Variants in RANBP10 observed in about 807,000 individuals in gnomAD.
The protein encoded by RANBP10 is ran-binding protein 10.
A neutral mutation model predicts 72.8 loss-of-function variants in RANBP10; 24 were observed. The observed-to-expected ratio is 0.33, with a 90% CI of 0.24 to 0.46. The LOEUF (loss-of-function observed/expected upper bound fraction) is 0.46. RANBP10 is among the 20% of genes least tolerant of loss of function. The probability of loss-of-function intolerance (pLI) is 1.00; values close to 1 mark genes in which losing one functional copy is unlikely to be tolerated. For missense variants in RANBP10, 679 were observed against 817.5 expected (o/e 0.83, Z 2.07); for synonymous variants, 310 against 322.3 (o/e 0.96, Z 0.41).
intron 2 of RANBP10, among the ~76,000 whole-genome samples, chr16:67,783,648 T>TC (rs2054854427): frequency 1.3e-5 from 2 of 152,142 alleles, no homozygotes; most frequent in South Asian, 2.1e-4. Context: ...GACCTAGACT[T>TC]CAATTCTTCA....
chr16:67,733,113 T>C (rs1597827880), intron 6 of RANBP10, among the ~76,000 whole-genome samples: 2 of 144,622 alleles, frequency 1.4e-5, no homozygotes, highest in African/African-American at 2.6e-5. Context: ...GCCTGTAATC[T>C]CAACACTTTG....
intron 2 of RANBP10, among the ~76,000 whole-genome samples, chr16:67,802,021 G>C (rs2055243171): frequency 6.6e-6 from 1 of 151,632 alleles, no homozygotes; most frequent in African/African-American, 2.4e-5. Context: ...ACTGAGCCCA[G>C]GAAGTTGAGG....
rs1329476155 is a variant in RANBP10 at position 67,725,813 on chromosome 16, G to C, written c.*615C>G. Reference sequence around the variant, plus strand: ...CAGCTCGGCCTGTGACTCAAAAAAGGGGGAGCAAAAAATAAATCACTTGGC... The same window carrying C: ...CAGCTCGGCCTGTGACTCAAAAAAGCGGGAGCAAAAAATAAATCACTTGGC... On this transcript the variant is annotated 3_prime_UTR_variant, in exon 14 of 14. Transcript: ENST00000317506. 2 of 152,522 alleles carry C rather than the reference G, an allele frequency of 1.3e-5. No individual in the cohort carries two copies. The highest frequency in any genetic ancestry group is 2.9e-5 in the Non-Finnish European group (2 of 68,010). The allele number at this position is 152,522 out of a possible 1,614,324, so 9.4% of individuals were successfully genotyped here.
chr16:67,799,136 A>G (rs1379802215), intron 2 of RANBP10, among the ~76,000 whole-genome samples: 1 of 151,960 alleles, frequency 6.6e-6, no homozygotes, highest in Non-Finnish European at 1.5e-5. Flanking sequence ...GGGTTTCGCC[A>G]TGTTGGCCAG....
At chr16:67,792,947 C>T (rs1597917474) in intron 2 of RANBP10, among the ~76,000 whole-genome samples, 1 of 152,060 alleles carries the variant, frequency 6.6e-6, no homozygotes, top group Admixed American at 6.6e-5. Context: ...GGCAGAACAG[C>T]CCCTATTGGT....
chr16:67,789,416 T>A (rs1211201833), intron 2 of RANBP10, among the ~76,000 whole-genome samples: 3 of 151,740 alleles, frequency 2.0e-5, no homozygotes, highest in Admixed American at 2.0e-4. Context: ...AGCTCAAGGA[T>A]ACAGTGAGCC....
chr16:67,798,237 T>A (rs2143021216), intron 2 of RANBP10, among the ~76,000 whole-genome samples: 1 of 152,232 alleles, frequency 6.6e-6, no homozygotes, highest in African/African-American at 2.4e-5. Flanking sequence ...TGTACCTACC[T>A]TGGGCAAGGA....
chr16:67,759,402 G>A (rs568271343), intron 3 of RANBP10, among the ~76,000 whole-genome samples: 6 of 152,286 alleles, frequency 3.9e-5, no homozygotes, highest in Non-Finnish European at 5.9e-5. Flanking sequence ...GGGCTGCCTG[G>A]AGGCACCCTA....
Position 67,729,200 on chromosome 16 carries a change from G to A in RANBP10, c.1352+80C>T. 6.4e-7 allele frequency: 1 copy of A among 1,559,926 alleles called. No individual in the cohort carries two copies. The highest frequency in any genetic ancestry group is 8.7e-7 in the Non-Finnish European group (1 of 1,152,450). ...AGATGGAGGCTGGGGGTGAAGGGCA[G>A]GGCGCTCAAAGGACAGACTGCAATG... On this transcript the variant is annotated intron_variant, in intron 10 of 13. Coordinates refer to ENST00000317506, the MANE Select transcript of RANBP10 (RefSeq NM_020850.3). This position sits in a 1 kb window ranked among gnomAD's most constrained non-coding sequence, Gnocchi z 7.1.
intron 3 of RANBP10, among the ~76,000 whole-genome samples, chr16:67,769,542 G>A (rs988517386): frequency 1.3e-5 from 2 of 149,206 alleles, no homozygotes; most frequent in African/African-American, 4.9e-5. Context: ...TTAAGAGATC[G>A]AAACCAGCCT....
At chr16:67,794,937 A>AC (rs2055099973) in intron 2 of RANBP10, among the ~76,000 whole-genome samples, 1 of 148,594 alleles carries the variant, frequency 6.7e-6, no homozygotes, top group African/African-American at 2.5e-5. Flanking sequence ...AATTAAAAAA[A>AC]AAAAAAAACA....
chr16:67,742,011 A>G (rs1317932976), intron 4 of RANBP10, among the ~76,000 whole-genome samples: 1 of 152,158 alleles, frequency 6.6e-6, no homozygotes. Context: ...GTTTTCAGTA[A>G]GGTCTCAATA....
chr16:67,802,993 T>G, intron 2 of RANBP10, among the ~76,000 whole-genome samples: 1 of 152,164 alleles, frequency 6.6e-6, no homozygotes, highest in East Asian at 1.9e-4. Context: ...AAACAATCCA[T>G]TTTCCTCCCT....
At chr16:67,757,950 T>C (rs956403213) in intron 3 of RANBP10, among the ~76,000 whole-genome samples, 7 of 152,172 alleles carry the variant, frequency 4.6e-5, no homozygotes, top group African/African-American at 1.4e-4. Flanking sequence ...AGGTAGATGA[T>C]GATACCAGGG....
intron 5 of RANBP10, among the ~76,000 whole-genome samples, chr16:67,737,006 G>C (rs1219925229): frequency 6.6e-6 from 1 of 152,152 alleles, no homozygotes; most frequent in Non-Finnish European, 1.5e-5. Flanking sequence ...GCCAGGCCAG[G>C]CTCCCAGCAT....
chr16:67,740,141 C>G (rs899978574), intron 4 of RANBP10, among the ~76,000 whole-genome samples: 6 of 148,424 alleles, frequency 4.0e-5, no homozygotes, highest in Admixed American at 2.0e-4. Context: ...CTTGCTCTGT[C>G]CCCTAGGCTG....
chr16:67,791,182 T>A (rs1251374576), intron 2 of RANBP10, among the ~76,000 whole-genome samples: 2 of 151,374 alleles, frequency 1.3e-5, no homozygotes, highest in Admixed American at 1.3e-4. Context: ...CCTGGCTAAT[T>A]TTTTGTATCT....
chr16:67,785,731 C>CAAAAAAAAAAAAAAAAAAA lies in RANBP10; in HGVS notation c.348-13646_348-13645insTTTTTTTTTTTTTTTTTTT, dbSNP rs61683439. On this transcript the variant is annotated intron_variant, in intron 2 of 13. Transcript: ENST00000317506. The stretch of plus-strand genomic sequence containing the variant: ...AAACAGAGTGAGTGAGACTCCATCT[C>CAAAAAAAAAAAAAAAAAAA]AAAAAAAAAAAAAAAGCCAGGCACA... Among the ~76,000 whole-genome samples the CAAAAAAAAAAAAAAAAAAA allele has an allele frequency of 6.7e-4, 48 of 71,732 alleles. 3 individuals carry two copies. The highest frequency in any genetic ancestry group is 2.1e-3 in the Admixed American group (14 of 6,722). 47.1% of individuals were successfully genotyped at this position (71,732 alleles called of 152,430 possible).
intron 3 of RANBP10, among the ~76,000 whole-genome samples, chr16:67,764,427 T>C (rs1451937331): frequency 6.6e-6 from 1 of 152,170 alleles, no homozygotes; most frequent in East Asian, 1.9e-4. Context: ...GTATCTAAAA[T>C]GGCCATTGTA....
Sources: allele counts gnomAD v4.1 joint callset (sites outside exome capture counted in the v4.1 genomes callset), GRCh38; gene constraint gnomAD v4.1.1; non-coding constraint Gnocchi (gnomAD v3.1); transcripts MANE v1.5; gene names NCBI Gene and HGNC (gene_info 2026-07-23, HGNC 2026-07-21).